The following PEX2 variants were observed in gnomAD, a reference collection of about 807,000 sequenced individuals.
PEX2 encodes peroxisome biogenesis factor 2.
PEX2 carries 19 observed loss-of-function variants against 25.2 expected under a neutral mutation model. The observed-to-expected ratio is 0.75, with a 90% confidence interval of 0.53 to 1.10. The LOEUF is 1.10. Among genes scored for constraint, PEX2 ranks in the 50% least tolerant of loss-of-function variants. PEX2 has a pLI of 0.00. For synonymous variants in PEX2, 141 were observed against 127.7 expected, an observed-to-expected ratio of 1.10 and a Z score of -0.70; for missense variants, 347 against 350.6, an observed-to-expected ratio of 0.99 and a Z score of 0.08.
intron 1 of PEX2, among the ~76,000 whole-genome samples, chr8:76,990,919 C>A (rs1325624943): frequency 2.6e-5 from 4 of 152,160 alleles, no homozygotes; most frequent in Non-Finnish European, 5.9e-5. Context: ...TTGATTGACT[C>A]GGTTTGCTAC....
chr8:76,994,756 C>A (rs1807272364), intron 1 of PEX2, among the ~76,000 whole-genome samples: 1 of 152,154 alleles, frequency 6.6e-6, no homozygotes, highest in South Asian at 2.1e-4. Flanking sequence ...AATGTCACTG[C>A]CACACCATCT....
At chr8:76,995,787 T>C (rs1250884307) in intron 1 of PEX2, among the ~76,000 whole-genome samples, 1 of 152,190 alleles carries the variant, frequency 6.6e-6, no homozygotes, top group African/African-American at 2.4e-5. Flanking sequence ...GAACAGATGT[T>C]GGAGCGAGTA....
chr8:76,985,497 G>T lies in PEX2; in HGVS notation c.-18+690C>A, dbSNP rs1260771719. On this transcript the variant is annotated intron_variant, in intron 3 of 3. Transcript: ENST00000357039. ...CACAGGTGGTAAGTAACTACGGGTG[G>T]TGATTGATGTAATTAACTTGATTGT... is the stretch of plus-strand genomic sequence containing the variant. 5.3e-5 allele frequency among the ~76,000 whole-genome samples: 8 copies of T among 152,134 alleles called. No homozygotes were observed. In the East Asian group the frequency reaches 1.5e-3, roughly 29 times the overall value.
At chr8:76,997,885 G>A (rs1807384558) in intron 1 of PEX2, among the ~76,000 whole-genome samples, 1 of 152,158 alleles carries the variant, frequency 6.6e-6, no homozygotes. Context: ...CTACAGGGCT[G>A]GGTTTAAAAG....
Position 77,000,075 on chromosome 8 carries a change from G to A in PEX2, c.-245C>T, listed in dbSNP as rs911253857. ...GCTTGTCTTTTCCTAGCCGAATCTG[G>A]ATTACCAAGGCTTCCGGAACTCGCA... is the stretch of plus-strand genomic sequence containing the variant. On this transcript the variant is annotated 5_prime_UTR_variant, in exon 1 of 4. Coordinates refer to ENST00000357039, the MANE Select transcript of PEX2 (RefSeq NM_000318.3). 2.4e-6 allele frequency: 1 copy of A among 412,276 alleles called. No homozygotes were observed. The highest frequency in any genetic ancestry group is 4.8e-6 in the Non-Finnish European group (1 of 206,212). 25.5% of individuals were successfully genotyped at this position (412,276 alleles called of 1,614,324 possible).
rs1184690169 is a variant in PEX2, at chr8:76,982,242, T to G, written c.*1019A>C. ...AAGAGTGAAGGATACAGAATTATCT[T>G]GATTATGCACTGCTGTTACTATTCC... is the stretch of plus-strand genomic sequence containing the variant. On this transcript the variant is annotated 3_prime_UTR_variant, in exon 4 of 4. Coordinates refer to ENST00000357039, the MANE Select transcript of PEX2 (RefSeq NM_000318.3). 1 of 152,204 alleles carries G rather than the reference T, an allele frequency of 6.6e-6. No homozygotes were observed. The highest frequency in any genetic ancestry group is 1.9e-4 in the East Asian group (1 of 5,198). 9.4% of individuals were successfully genotyped at this position (152,204 alleles called of 1,614,324 possible). A position where few individuals can be genotyped will look rare whatever the true frequency, so the allele number is the denominator to read the frequency against.
Sources: allele counts gnomAD v4.1 joint callset (sites outside exome capture counted in the v4.1 genomes callset), GRCh38; gene constraint gnomAD v4.1.1; transcripts MANE v1.5; gene names NCBI Gene and HGNC (gene_info 2026-07-23, HGNC 2026-07-21).